Variants in ERC1 observed in about 807,000 individuals in gnomAD.
ERC1 encodes RAB6 interacting protein 2.
Under a neutral mutation model 132.0 loss-of-function variants are expected in ERC1, and 56 were observed. The ratio of observed to expected loss-of-function variants is 0.42; its 90% CI spans 0.34 to 0.53. ERC1 has a LOEUF of 0.53. Among genes scored for constraint, ERC1 ranks in the 20% least tolerant of loss-of-function variants. The pLI is 0.03. For missense variants in ERC1, 1,202 were observed against 1,349.9 expected, an observed-to-expected ratio of 0.89 and a Z score of 1.72; for synonymous variants, 478 against 476.1, an observed-to-expected ratio of 1.00 and a Z score of -0.05.
intron 3 of ERC1, among the ~76,000 whole-genome samples, chr12:1,097,139 G>T (rs1009553691): frequency 2.0e-5 from 3 of 151,964 alleles, no homozygotes; most frequent in East Asian, 1.9e-4. Context: ...TTATTAGCTG[G>T]AATGACAATT....
chr12:1,403,081 G>A (rs779469418), intron 16 of ERC1, among the ~76,000 whole-genome samples: 120 of 152,126 alleles, frequency 7.9e-4, no homozygotes, highest in Non-Finnish European at 2.8e-4. Context: ...CATTTTTGTC[G>A]TAGAAGAAAA....
At chr12:995,792 A>G (rs1960711093) in intron 1 of ERC1, among the ~76,000 whole-genome samples, 1 of 152,184 alleles carries the variant, frequency 6.6e-6, no homozygotes, top group Non-Finnish European at 1.5e-5. Flanking sequence ...CCTTCATGGA[A>G]CTTACCTTCT....
At chr12:1,100,491 A>G (rs1330224683) in intron 3 of ERC1, among the ~76,000 whole-genome samples, 1 of 152,174 alleles carries the variant, frequency 6.6e-6, no homozygotes, top group African/African-American at 2.4e-5. Context: ...TAGATTTGGG[A>G]GACTGTTGGT....
At chr12:1,115,660 C>A in intron 6 of ERC1, 2 of 461,794 alleles carry the variant, frequency 4.3e-6, no homozygotes, top group Non-Finnish European at 3.8e-6. Context: ...TGGACATTTC[C>A]CTATTGGTTG....
At chr12:1,114,305 G>A (rs929040213) in intron 6 of ERC1, among the ~76,000 whole-genome samples, 25 of 152,174 alleles carry the variant, frequency 1.6e-4, no homozygotes, top group Non-Finnish European at 1.5e-5. Flanking sequence ...ACAGGCGTGA[G>A]CCACTGCACC....
intron 15 of ERC1, among the ~76,000 whole-genome samples, chr12:1,325,264 C>G (rs1043889272): frequency 1.3e-5 from 2 of 152,242 alleles, no homozygotes; most frequent in African/African-American, 4.8e-5. Context: ...GTCTGTATTG[C>G]TGAATTGTCA....
chr12:1,463,431 G>C (rs374760454), intron 18 of ERC1, among the ~76,000 whole-genome samples: 32 of 152,282 alleles, frequency 2.1e-4, no homozygotes, highest in Admixed American at 3.3e-4. Context: ...AAAGAAGAAT[G>C]GTTCTTTGTG....
At chr12:1,422,435 G>A (rs1047748962) in intron 17 of ERC1, among the ~76,000 whole-genome samples, 2 of 151,820 alleles carry the variant, frequency 1.3e-5, no homozygotes, top group African/African-American at 4.8e-5. Context: ...ATACATGAAT[G>A]AGAAAGTATG....
intron 4 of ERC1, among the ~76,000 whole-genome samples, chr12:1,105,356 AT>A (rs1037481657): frequency 4.0e-5 from 6 of 151,656 alleles, no homozygotes; most frequent in African/African-American, 1.5e-4. Flanking sequence ...TTTTTTTATT[AT>A]TTTTTATTTT....
At chr12:1,144,614 G>GTGTGTATATATATATATATATATATA in intron 8 of ERC1, among the ~76,000 whole-genome samples, 1 of 132,296 alleles carries the variant, frequency 7.6e-6, no homozygotes, top group African/African-American at 3.1e-5. Flanking sequence ...GAATTTTGTG[G>GTGTGTATATATATATATATATATATA]TATATATATA....
intron 18 of ERC1, among the ~76,000 whole-genome samples, chr12:1,488,062 T>C (rs2094262656): frequency 7.0e-6 from 1 of 143,426 alleles, no homozygotes; most frequent in Non-Finnish European, 1.5e-5. Flanking sequence ...GGCACGAACC[T>C]GGGAGGCGGA....
chr12:1,351,553 A>G (rs2084998725), intron 15 of ERC1, among the ~76,000 whole-genome samples: 1 of 152,130 alleles, frequency 6.6e-6, no homozygotes, highest in Non-Finnish European at 1.5e-5. Flanking sequence ...CTGATTACGT[A>G]TGATGTGGAG....
intron 8 of ERC1, among the ~76,000 whole-genome samples, chr12:1,160,475 C>G (rs1951785158): frequency 6.6e-6 from 1 of 152,148 alleles, no homozygotes; most frequent in South Asian, 2.1e-4. Context: ...TGGCTTACAC[C>G]TGTAATCCCA....
intron 8 of ERC1, among the ~76,000 whole-genome samples, chr12:1,156,068 A>C (rs1031489842): frequency 2.0e-5 from 3 of 152,016 alleles, no homozygotes; most frequent in African/African-American, 7.2e-5. Flanking sequence ...AACTGGAATC[A>C]TACTTTTTAT....
intron 15 of ERC1, among the ~76,000 whole-genome samples, chr12:1,370,942 G>T (rs796835829): frequency 1.3e-5 from 2 of 152,206 alleles, no homozygotes; most frequent in African/African-American, 4.8e-5. Flanking sequence ...CAAATTCCTG[G>T]CCTCAAGTGA....
At chr12:1,432,551 A>G (rs1315439568) in intron 17 of ERC1, among the ~76,000 whole-genome samples, 1 of 152,252 alleles carries the variant, frequency 6.6e-6, no homozygotes, top group Admixed American at 6.5e-5. Flanking sequence ...AAGGATGGGC[A>G]TAATTATTCC....
intron 3 of ERC1, among the ~76,000 whole-genome samples, chr12:1,093,955 T>TTATATA (rs1469024496): frequency 1.9e-4 from 3 of 16,132 alleles, no homozygotes; most frequent in South Asian, 3.1e-3. Flanking sequence ...ATATATATTT[T>TTATATA]TCTATATATA....
intron 18 of ERC1, among the ~76,000 whole-genome samples, chr12:1,488,686 CTT>C (rs902257270): frequency 2.0e-5 from 3 of 152,206 alleles, no homozygotes; most frequent in Non-Finnish European, 4.4e-5. Flanking sequence ...CTTAACTAGA[CTT>C]TATATTCCAT....
chr12:1,442,760 G>A (rs1289680318), intron 17 of ERC1, among the ~76,000 whole-genome samples: 1 of 152,162 alleles, frequency 6.6e-6, no homozygotes, highest in Admixed American at 6.5e-5. Flanking sequence ...CATATATAAT[G>A]TAGTGAACAG....
Sources: gnomAD v4.1 joint callset for allele counts (sites outside exome capture counted in the v4.1 genomes callset) on GRCh38, gnomAD v4.1.1 for gene constraint, MANE v1.5 for transcripts, NCBI Gene and HGNC (gene_info 2026-07-23, HGNC 2026-07-21) for gene names.